The following RYR3 variants were observed in gnomAD, a reference collection of about 807,000 sequenced individuals.
RYR3 encodes the protein ryanodine receptor 3.
A neutral mutation model predicts 584.3 loss-of-function variants in RYR3; 207 were observed. The observed-to-expected ratio is 0.35, with a 90% CI of 0.32 to 0.40. RYR3 has a LOEUF of 0.40. Ranked by LOEUF, RYR3 falls within the 10% of genes least tolerant of loss-of-function variation. RYR3 has a pLI of 1.00. For synonymous variants in RYR3, 2,416 were observed against 2,248.5 expected (o/e 1.07, Z -2.11); for missense variants, 5,616 against 6,089.2 (o/e 0.92, Z 2.59).
chr15:33,454,174 C>A (rs2047354447), intron 1 of RYR3, among the ~76,000 whole-genome samples: 1 of 152,182 alleles, frequency 6.6e-6, no homozygotes, highest in Non-Finnish European at 1.5e-5. Flanking sequence ...CTTCTGTTGA[C>A]ATGGAGCATC....
chr15:33,473,072 T>G (rs1177320763), intron 1 of RYR3, among the ~76,000 whole-genome samples: 1 of 152,174 alleles, frequency 6.6e-6, no homozygotes, highest in African/African-American at 2.4e-5. Flanking sequence ...TTATTCTATA[T>G]TTGGAGAGAT....
intron 10 of RYR3, among the ~76,000 whole-genome samples, chr15:33,554,765 A>C (rs1370069664): frequency 6.6e-6 from 1 of 152,206 alleles, no homozygotes; most frequent in Admixed American, 6.5e-5. Context: ...TTGACATTGC[A>C]AGGCCATTCC....
chr15:33,422,472 G>A (rs999495526), intron 1 of RYR3, among the ~76,000 whole-genome samples: 1 of 152,180 alleles, frequency 6.6e-6, no homozygotes, highest in African/African-American at 2.4e-5. Flanking sequence ...ATGAGGAATT[G>A]GAATATTGTG....
At chr15:33,495,215 A>G (rs2051310527) in intron 2 of RYR3, among the ~76,000 whole-genome samples, 1 of 152,250 alleles carries the variant, frequency 6.6e-6, no homozygotes, top group Non-Finnish European at 1.5e-5. Flanking sequence ...ATAACGGGGT[A>G]TAAAGTCCTT....
At chr15:33,584,342 C>T (rs624954) in intron 14 of RYR3, 53 bp from the exon 15 acceptor site, 721,371 of 939,350 alleles carry the variant, frequency 0.77, 278,564 homozygotes, top group East Asian at 0.87. Context: ...CAAGTTCTCA[C>T]GCCCATCATT....
At chr15:33,641,137 A>G (rs2061801745) in intron 27 of RYR3, among the ~76,000 whole-genome samples, 1 of 152,206 alleles carries the variant, frequency 6.6e-6, no homozygotes, top group Non-Finnish European at 1.5e-5. Context: ...GACACGTTGG[A>G]AAATCATTTG....
intron 77 of RYR3, among the ~76,000 whole-genome samples, chr15:33,820,514 T>A (rs2077050634): frequency 6.6e-6 from 1 of 152,214 alleles, no homozygotes; most frequent in Non-Finnish European, 1.5e-5. Flanking sequence ...TAGGTCACCA[T>A]TGATGATGTG....
At chr15:33,336,926 C>T (rs1330517369) in intron 1 of RYR3, among the ~76,000 whole-genome samples, 2 of 151,144 alleles carry the variant, frequency 1.3e-5, no homozygotes, top group African/African-American at 2.4e-5. Flanking sequence ...GGCGTGGTGG[C>T]GGGTGCCTGT....
intron 10 of RYR3, among the ~76,000 whole-genome samples, chr15:33,555,666 A>G (rs565428877): frequency 6.6e-6 from 1 of 152,238 alleles, no homozygotes; most frequent in African/African-American, 2.4e-5. Flanking sequence ...ATTAAATGAG[A>G]CCAGGAAGAT....
At chr15:33,386,025 C>A (rs2041579307) in intron 1 of RYR3, among the ~76,000 whole-genome samples, 1 of 151,952 alleles carries the variant, frequency 6.6e-6, no homozygotes, top group Non-Finnish European at 1.5e-5. Context: ...TTTTTTAAAA[C>A]ATGTTACTGT....
chr15:33,686,871 C>T (rs1000681304), intron 38 of RYR3, among the ~76,000 whole-genome samples: 22 of 152,298 alleles, frequency 1.4e-4, no homozygotes, highest in East Asian at 1.9e-4. Context: ...AATTCAACAG[C>T]GCTTCATGCT....
chr15:33,559,845 G>T (rs918477876), intron 10 of RYR3, among the ~76,000 whole-genome samples: 1 of 152,210 alleles, frequency 6.6e-6, no homozygotes, highest in Non-Finnish European at 1.5e-5. Flanking sequence ...CAATACAGAT[G>T]TAGAGATGCC....
chr15:33,863,794 A>G (rs1288011918), intron 102 of RYR3, among the ~76,000 whole-genome samples: 1 of 152,198 alleles, frequency 6.6e-6, no homozygotes, highest in African/African-American at 2.4e-5. Context: ...TGGCCTGTTA[A>G]ATATTCTATG....
chr15:33,832,359 A>G (rs1296312171), intron 86 of RYR3, among the ~76,000 whole-genome samples: 1 of 152,106 alleles, frequency 6.6e-6, no homozygotes, highest in Non-Finnish European at 1.5e-5. Flanking sequence ...TGCTTAATTA[A>G]GAACCACATA....
intron 36 of RYR3, among the ~76,000 whole-genome samples, chr15:33,664,589 G>GTGTGTATA (rs577496539): frequency 5.5e-5 from 5 of 91,334 alleles, no homozygotes; most frequent in East Asian, 3.1e-4. Flanking sequence ...GTGTGTGTGT[G>GTGTGTATA]TATATATATA....
At chr15:33,823,766 CAGCTTATTGTCTAAGATTCATATG>C (rs2077230156) in intron 81 of RYR3, among the ~76,000 whole-genome samples, 1 of 152,166 alleles carries the variant, frequency 6.6e-6, no homozygotes. Context: ...AGAAAAGTGT[CAGCTTATTGTCTAAGATTCATATG>C]TATTTGGATA....
At chr15:33,860,423 T>C (rs1164936143) in intron 100 of RYR3, among the ~76,000 whole-genome samples, 172 bp from the exon 101 acceptor site, 1 of 152,036 alleles carries the variant, frequency 6.6e-6, no homozygotes, top group Admixed American at 6.6e-5. Flanking sequence ...GGAGGAACAA[T>C]GAGAAATTGT....
chr15:33,489,210 A>AT (rs1384047575), intron 2 of RYR3, among the ~76,000 whole-genome samples: 1 of 152,038 alleles, frequency 6.6e-6, no homozygotes, highest in Non-Finnish European at 1.5e-5. Context: ...TATGTTCCTT[A>AT]TTTTTTTAAC....
intron 1 of RYR3, among the ~76,000 whole-genome samples, chr15:33,362,965 C>T (rs1974981860): frequency 6.6e-6 from 1 of 152,142 alleles, no homozygotes; most frequent in Non-Finnish European, 1.5e-5. Flanking sequence ...TCTGTACTCT[C>T]CTATTAGAGA....
Sources: allele counts gnomAD v4.1 joint callset (sites outside exome capture counted in the v4.1 genomes callset), GRCh38; gene constraint gnomAD v4.1.1; transcripts MANE v1.5; gene names NCBI Gene and HGNC (gene_info 2026-07-23, HGNC 2026-07-21).